Variants in ATP2B4 observed in about 807,000 individuals in gnomAD.
ATP2B4 encodes the protein ATPase plasma membrane Ca2+ transporting 4, also known as plasma membrane calcium-transporting ATPase 4.
ATP2B4 carries 39 observed loss-of-function variants against 110.3 expected under a neutral mutation model. The observed-to-expected ratio is 0.35, with a 90% CI of 0.27 to 0.46. The LOEUF (loss-of-function observed/expected upper bound fraction) is 0.46. Among genes scored for constraint, ATP2B4 ranks in the 20% least tolerant of loss-of-function variants. The pLI, the probability that ATP2B4 is intolerant of heterozygous loss-of-function variation, is 1.00. For missense variants in ATP2B4, 1,135 were observed against 1,530.9 expected (o/e 0.74, Z 4.32); for synonymous variants, 538 against 571.7 (o/e 0.94, Z 0.84).
At chr1:203,702,880 CA>C (rs1665733824) in intron 7 of ATP2B4, among the ~76,000 whole-genome samples, 1 of 152,204 alleles carries the variant, frequency 6.6e-6, no homozygotes, top group Non-Finnish European at 1.5e-5. Flanking sequence ...ATTGGAAAAC[CA>C]GAGCTAAACA....
chr1:203,706,031 G>T (rs976400840), intron 8 of ATP2B4, among the ~76,000 whole-genome samples: 2 of 152,188 alleles, frequency 1.3e-5, no homozygotes, highest in African/African-American at 2.4e-5. Context: ...ATGATTTAAA[G>T]CAGAGCTTTT....
chr1:203,680,086 G>T (rs541913461), intron 1 of ATP2B4, among the ~76,000 whole-genome samples: 4 of 147,042 alleles, frequency 2.7e-5, no homozygotes, highest in African/African-American at 1.0e-4. Context: ...AAAAAGGAAG[G>T]AATTCTGACT....
At position 203,650,063 on chromosome 1, in the gene ATP2B4, A is replaced by G. The variant is rs116075069; in HGVS notation, c.-465+22844A>G. Among the ~76,000 whole-genome samples, 745 of 152,280 alleles carry G rather than the reference A, an allele frequency of 4.9e-3. 8 individuals carry two copies. The highest frequency in any genetic ancestry group is 0.017 in the African/African-American group (710 of 41,560). On this transcript the variant is annotated intron_variant, in intron 1 of 20. Transcript: ENST00000357681. ...AGCCTTCCCTTCCATGGTGATGTAA[A>G]CGGAGTGGCTTTCACGCACACATCC...
intron 1 of ATP2B4, among the ~76,000 whole-genome samples, chr1:203,673,826 C>A (rs1424934567): frequency 1.3e-5 from 2 of 152,160 alleles, no homozygotes. Context: ...TCCCCCTTGT[C>A]CTGAGGACTC....
intron 6 of ATP2B4, among the ~76,000 whole-genome samples, chr1:203,701,286 G>C (rs572531518): frequency 1.5e-4 from 23 of 152,274 alleles, no homozygotes; most frequent in African/African-American, 5.5e-4. Flanking sequence ...CCTCAAAGAT[G>C]GGGGGTTAAA....
intron 2 of ATP2B4, among the ~76,000 whole-genome samples, chr1:203,686,818 C>G (rs1284953629): frequency 6.7e-6 from 1 of 149,472 alleles, no homozygotes; most frequent in East Asian, 2.0e-4. Context: ...TTCAGACTCC[C>G]AAGTAGCTAG....
chr1:203,704,555 A>G (rs752249405), intron 8 of ATP2B4, among the ~76,000 whole-genome samples: 15 of 131,006 alleles, frequency 1.1e-4, no homozygotes, highest in Non-Finnish European at 2.0e-4. Context: ...ATCTCAGCTC[A>G]CTGCAGACTC....
chr1:203,710,813 A>G (rs1348071050), intron 11 of ATP2B4, 64 bp from the exon 12 acceptor site: 2 of 1,308,604 alleles, frequency 1.5e-6, no homozygotes, highest in Middle Eastern at 1.8e-4. Context: ...AATACCTGTC[A>G]ATGATTGTAG....
intron 2 of ATP2B4, among the ~76,000 whole-genome samples, chr1:203,688,537 A>G (rs908147322): frequency 2.0e-5 from 3 of 151,764 alleles, no homozygotes; most frequent in Admixed American, 6.6e-5. Flanking sequence ...CCTGGCCTCA[A>G]GCGATCTGCC....
intron 1 of ATP2B4, among the ~76,000 whole-genome samples, chr1:203,671,247 T>G (rs1664652293): frequency 1.3e-5 from 2 of 152,234 alleles, no homozygotes; most frequent in African/African-American, 4.8e-5. Context: ...CTCAGTTGTG[T>G]GTATGTGAGT....
chr1:203,717,654 A>ATTTATTTATTTATTTG (rs1666199698), intron 15 of ATP2B4, among the ~76,000 whole-genome samples: 2 of 149,960 alleles, frequency 1.3e-5, no homozygotes, highest in Non-Finnish European at 3.0e-5. Flanking sequence ...TTATTTATTT[A>ATTTATTTATTTATTTG]TTTATGAGAC....
In ATP2B4 at chr1:203,707,956, T is replaced by C; in HGVS notation, c.1409T>C (p.Leu470Ser). ...ATCTGCTCTGATAAGACAGGCACGT[T>C]GACCATGAACCGCATGACTGTGGTA... The part of the protein sequence containing the change: ...TAICSDKTGT[L>S]TMNRMTVVQA... The change falls in exon 10 of 21, where the codon TTG (leucine) becomes TCG (serine). Residue 470 changes from leucine (L) to serine (S), a missense_variant. Physicochemically the swap from Leu to Ser is moderately radical, Grantham distance 145. Transcript: ENST00000357681. 8 of 1,614,228 alleles carry C rather than the reference T, an allele frequency of 5.0e-6. No individual in the cohort carries two copies. Among genetic ancestry groups the C allele is most frequent in the Non-Finnish European group, 6.8e-6 (8 of 1,180,040 alleles).
intron 1 of ATP2B4, among the ~76,000 whole-genome samples, chr1:203,638,873 G>A (rs1310087653): frequency 1.3e-5 from 2 of 152,150 alleles, no homozygotes; most frequent in Non-Finnish European, 2.9e-5. Flanking sequence ...AACAATTAAG[G>A]TCATTAGCAC....
chr1:203,654,384 C>T (rs1350096937), intron 1 of ATP2B4, among the ~76,000 whole-genome samples: 1 of 152,178 alleles, frequency 6.6e-6, no homozygotes, highest in Admixed American at 6.5e-5. Context: ...CTGATGGAGA[C>T]ATACAAGGAG....
At chr1:203,658,044 C>T (rs1242464732) in intron 1 of ATP2B4, among the ~76,000 whole-genome samples, 1 of 152,142 alleles carries the variant, frequency 6.6e-6, no homozygotes, top group Non-Finnish European at 1.5e-5. Flanking sequence ...AAGGTAGTCA[C>T]ATTGTGTTTT....
intron 2 of ATP2B4, among the ~76,000 whole-genome samples, chr1:203,684,889 C>T (rs950792602): frequency 3.3e-5 from 5 of 151,896 alleles, no homozygotes. Flanking sequence ...GAAGGAGTCT[C>T]ACTCTTGTTG....
intron 2 of ATP2B4, among the ~76,000 whole-genome samples, chr1:203,689,701 AGG>A (rs1279348900): frequency 2.0e-5 from 3 of 152,250 alleles, no homozygotes; most frequent in Non-Finnish European, 4.4e-5. Flanking sequence ...TAGGGACACA[AGG>A]GTGAACATGA....
chr1:203,659,742 A>G (rs987422582), intron 1 of ATP2B4, among the ~76,000 whole-genome samples: 7 of 152,146 alleles, frequency 4.6e-5, no homozygotes, highest in African/African-American at 1.4e-4. Flanking sequence ...AAGCGGGAAG[A>G]TTGCTCCATC....
chr1:203,702,299 C>T (rs1014080637), intron 7 of ATP2B4, among the ~76,000 whole-genome samples: 19 of 152,172 alleles, frequency 1.2e-4, no homozygotes, highest in Middle Eastern at 3.2e-3. Context: ...TGTTGGCTCA[C>T]AGAATGTCAT....
Sources: allele counts gnomAD v4.1 joint callset (sites outside exome capture counted in the v4.1 genomes callset), GRCh38; gene constraint gnomAD v4.1.1; transcripts MANE v1.5; gene names NCBI Gene and HGNC (gene_info 2026-07-23, HGNC 2026-07-21).